XPR1: variants seen among roughly 807,000 people sequenced by gnomAD.
The protein encoded by XPR1 is xenotropic and polytropic retrovirus receptor 1, also known as solute carrier family 53 member 1.
XPR1 carries 28 observed loss-of-function variants against 87.5 expected under a neutral mutation model. The ratio of observed to expected loss-of-function variants is 0.32; its 90% CI spans 0.24 to 0.44. The LOEUF (loss-of-function observed/expected upper bound fraction) is 0.44. Ranked by LOEUF, XPR1 falls within the 20% of genes least tolerant of loss-of-function variation. XPR1 has a pLI of 1.00. For synonymous variants in XPR1, 300 were observed against 306.1 expected (o/e 0.98, Z 0.21); for missense variants, 559 against 862.3 (o/e 0.65, Z 4.41).
intron 2 of XPR1, among the ~76,000 whole-genome samples, chr1:180,698,454 C>T (rs1657240923): frequency 1.3e-5 from 2 of 152,080 alleles, no homozygotes; most frequent in Admixed American, 1.3e-4. Context: ...GGACTTGTTC[C>T]TGTAATTTTG....
At chr1:180,742,138 T>C (rs1422379665) in intron 2 of XPR1, among the ~76,000 whole-genome samples, 7 of 152,098 alleles carry the variant, frequency 4.6e-5, no homozygotes, top group Non-Finnish European at 8.8e-5. Context: ...AGGGGGTTTT[T>C]TTGGTTTGTT....
chr1:180,786,504 G>A (rs910675109), intron 2 of XPR1, among the ~76,000 whole-genome samples: 8 of 152,038 alleles, frequency 5.3e-5, no homozygotes, highest in South Asian at 2.1e-4. Flanking sequence ...TTTTATTAGC[G>A]TCTAGAGAGT....
chr1:180,748,340 T>C (rs1647359736), intron 2 of XPR1, among the ~76,000 whole-genome samples: 1 of 149,110 alleles, frequency 6.7e-6, no homozygotes, highest in African/African-American at 2.4e-5. Flanking sequence ...AAAAGCAAAG[T>C]CAATAAATGC....
chr1:180,711,653 A>G (rs955130425), intron 2 of XPR1, among the ~76,000 whole-genome samples: 25 of 152,124 alleles, frequency 1.6e-4, no homozygotes, highest in Non-Finnish European at 3.7e-4. Context: ...TTTTAGATAC[A>G]AGACCTTTAT....
At chr1:180,730,216 C>G (rs1188571187) in intron 2 of XPR1, among the ~76,000 whole-genome samples, 2 of 152,094 alleles carry the variant, frequency 1.3e-5, no homozygotes, top group Non-Finnish European at 2.9e-5. Flanking sequence ...AGCTTTATTT[C>G]TGGGCTCTCT....
intron 1 of XPR1, among the ~76,000 whole-genome samples, chr1:180,643,275 C>G (rs536621854): frequency 4.6e-4 from 70 of 152,238 alleles, no homozygotes; most frequent in Admixed American, 1.2e-3. Flanking sequence ...TTTAGTCAAT[C>G]TTAATATGTG....
chr1:180,855,547 C>A (rs907585335), intron 11 of XPR1, among the ~76,000 whole-genome samples: 5 of 151,758 alleles, frequency 3.3e-5, no homozygotes, highest in African/African-American at 1.2e-4. Context: ...TGCCTGTAGT[C>A]CCAGCTATTT....
chr1:180,761,007 C>A (rs1443515436), intron 2 of XPR1, among the ~76,000 whole-genome samples: 3 of 152,056 alleles, frequency 2.0e-5, no homozygotes, highest in East Asian at 1.9e-4. Context: ...CAAAAACAAG[C>A]AATGGGGAAA....
At chr1:180,747,328 G>T (rs557102056) in intron 2 of XPR1, among the ~76,000 whole-genome samples, 24 of 152,078 alleles carry the variant, frequency 1.6e-4, no homozygotes, top group Non-Finnish European at 3.4e-4. Flanking sequence ...AAGGTGCTCA[G>T]GGCATGAGAA....
At chr1:180,666,173 A>G (rs1350339402) in intron 1 of XPR1, among the ~76,000 whole-genome samples, 1 of 152,166 alleles carries the variant, frequency 6.6e-6, no homozygotes. Flanking sequence ...TCAGTACTAT[A>G]CTATTTGGAT....
chr1:180,769,065 A>G (rs1404891780), intron 2 of XPR1, among the ~76,000 whole-genome samples: 2 of 151,578 alleles, frequency 1.3e-5, no homozygotes, highest in Non-Finnish European at 2.9e-5. Flanking sequence ...AAAAATCTAT[A>G]TCTGTTTTTT....
intron 12 of XPR1, among the ~76,000 whole-genome samples, chr1:180,872,781 G>C (rs1296723453): frequency 1.3e-5 from 2 of 151,300 alleles, no homozygotes; most frequent in Non-Finnish European, 2.9e-5. Flanking sequence ...CGTCTTCTGC[G>C]TCGCTCACGC....
In XPR1 at chr1:180,840,566, G is replaced by GTATATA. The variant is rs71579073; in HGVS notation, c.1501+3869_1501+3874dup. Among the ~76,000 whole-genome samples, 7 of 136,398 alleles carry GTATATA rather than the reference G, an allele frequency of 5.1e-5. No individual in the cohort carries two copies. In the East Asian group the frequency reaches 7.2e-4, roughly 14 times the overall value. The allele number at this position is 136,398 out of a possible 152,430, so 89.5% of individuals were successfully genotyped here. ...TGTGTGTGTGTGTGTGTGTGTGTGT[G>GTATATA]TATATATATATATATATATATATAA... On this transcript the variant is annotated intron_variant, in intron 11 of 14. Coordinates refer to ENST00000367590, the MANE Select transcript of XPR1 (RefSeq NM_004736.4).
intron 2 of XPR1, among the ~76,000 whole-genome samples, chr1:180,751,783 T>C (rs539035357): frequency 5.7e-4 from 87 of 152,222 alleles, no homozygotes; most frequent in African/African-American, 2.0e-3. Context: ...AGAACCTCTC[T>C]CTTGTCAAGT....
intron 2 of XPR1, among the ~76,000 whole-genome samples, chr1:180,773,624 A>G (rs1226569201): frequency 6.6e-6 from 1 of 152,202 alleles, no homozygotes; most frequent in Admixed American, 6.5e-5. Context: ...TTTGAAGGAG[A>G]GTCCCAAGGA....
chr1:180,712,720 C>T (rs967499172), intron 2 of XPR1, among the ~76,000 whole-genome samples: 11 of 151,868 alleles, frequency 7.2e-5, no homozygotes, highest in African/African-American at 2.4e-4. Context: ...ACAGGAGAAT[C>T]GCTTGAACCT....
chr1:180,805,572 C>T (rs940389111), intron 4 of XPR1, among the ~76,000 whole-genome samples: 3 of 152,090 alleles, frequency 2.0e-5, no homozygotes, highest in Non-Finnish European at 4.4e-5. Context: ...CTTCCATTTT[C>T]CTTACTGGAA....
intron 9 of XPR1, 140 bp downstream of exon 9, chr1:180,825,484 GA>G (rs1425307331): frequency 1.6e-5 from 13 of 800,180 alleles, no homozygotes; most frequent in Non-Finnish European, 2.1e-5. Flanking sequence ...GAGGCCCTGG[GA>G]AAAAGTACTC....
chr1:180,741,815 A>G (rs1025716745), intron 2 of XPR1, among the ~76,000 whole-genome samples: 2 of 152,122 alleles, frequency 1.3e-5, no homozygotes, highest in Admixed American at 6.6e-5. Flanking sequence ...TAATGATTCA[A>G]TTTATTTAAT....
Sources: gnomAD v4.1 joint callset for allele counts (sites outside exome capture counted in the v4.1 genomes callset) on GRCh38, gnomAD v4.1.1 for gene constraint, MANE v1.5 for transcripts, NCBI Gene and HGNC (gene_info 2026-07-23, HGNC 2026-07-21) for gene names.